The following FBXO11 variants were observed in gnomAD, a reference collection of about 807,000 sequenced individuals.
The protein encoded by FBXO11 is F-box protein 11, also known as F-box only protein 11.
Under a neutral mutation model 117.0 loss-of-function variants are expected in FBXO11, and 13 were observed. The observed-to-expected ratio is 0.11, with a 90% CI of 0.07 to 0.18. FBXO11 has a LOEUF of 0.18. Ranked by LOEUF, FBXO11 falls within the 10% of genes least tolerant of loss-of-function variation. The pLI is 1.00. For synonymous variants in FBXO11, 490 were observed against 380.5 expected (o/e 1.29, Z -3.35); for missense variants, 767 against 1,164.4 (o/e 0.66, Z 4.97).
chr2:47,833,105 A>C, intron 7 of FBXO11, 35 bp from the exon 8 acceptor site: 1 of 1,425,114 alleles, frequency 7.0e-7, no homozygotes, highest in Non-Finnish European at 9.9e-7. Context: ...TATTACCTTT[A>C]TTCGATTTCA....
At chr2:47,836,238 G>A (rs1027160680) in intron 4 of FBXO11, among the ~76,000 whole-genome samples, 2 of 152,076 alleles carry the variant, frequency 1.3e-5, no homozygotes, top group African/African-American at 4.8e-5. Flanking sequence ...CCAGGTTCAA[G>A]CCTCAGCCTC....
In FBXO11 at chr2:47,822,857, A is replaced by G. The variant is rs1046307555; in HGVS notation, c.1616+286T>C. On this transcript the variant is annotated intron_variant, in intron 12 of 22. Coordinates refer to ENST00000403359, the MANE Select transcript of FBXO11 (RefSeq NM_001190274.2). ...GGGGAGGTAACAGTCCTATTTACTC[A>G]TCTATAATGCAGTTTGATGAATTTA... 7.9e-5 allele frequency among the ~76,000 whole-genome samples: 12 copies of G among 152,360 alleles called. No individual in the cohort carries two copies. In the East Asian group the frequency reaches 1.5e-3, roughly 20 times the overall value.
At chr2:47,852,352 G>A (rs1263791837) in intron 1 of FBXO11, among the ~76,000 whole-genome samples, 1 of 152,062 alleles carries the variant, frequency 6.6e-6, no homozygotes, top group Non-Finnish European at 1.5e-5. Context: ...GATGGAGAGG[G>A]GGCTCAGCAT....
intron 1 of FBXO11, among the ~76,000 whole-genome samples, chr2:47,870,412 C>A (rs940907241): frequency 6.6e-6 from 1 of 152,072 alleles, no homozygotes; most frequent in Non-Finnish European, 1.5e-5. Flanking sequence ...GAAATAGGGT[C>A]TTTGAAAATG....
chr2:47,894,274 C>T (rs1012721465), intron 1 of FBXO11, among the ~76,000 whole-genome samples: 2 of 151,866 alleles, frequency 1.3e-5, no homozygotes, highest in African/African-American at 4.9e-5. Flanking sequence ...AAATATGCCC[C>T]CATTTTTCTG....
intron 1 of FBXO11, among the ~76,000 whole-genome samples, chr2:47,866,635 A>C (rs896062034): frequency 6.6e-6 from 1 of 151,814 alleles, no homozygotes; most frequent in African/African-American, 2.4e-5. Context: ...CACCATGACC[A>C]GCTAATGTTT....
chr2:47,898,563 T>C (rs571944174), intron 1 of FBXO11, among the ~76,000 whole-genome samples: 3 of 152,224 alleles, frequency 2.0e-5, no homozygotes, highest in Admixed American at 6.5e-5. Context: ...CTTTGTATAA[T>C]GAGTGCTTAA....
intron 1 of FBXO11, among the ~76,000 whole-genome samples, chr2:47,892,005 T>G (rs530399867): frequency 6.6e-6 from 1 of 152,230 alleles, no homozygotes; most frequent in Non-Finnish European, 1.5e-5. Context: ...TCCTTAAATA[T>G]TTTGGAGATT....
chr2:47,888,121 C>A (rs903800628), intron 1 of FBXO11, among the ~76,000 whole-genome samples: 10 of 152,178 alleles, frequency 6.6e-5, no homozygotes, highest in African/African-American at 2.4e-4. Flanking sequence ...ACACCGCTCA[C>A]TTCGCACTTA....
chr2:47,895,368 C>T (rs1487199347), intron 1 of FBXO11, among the ~76,000 whole-genome samples: 1 of 152,118 alleles, frequency 6.6e-6, no homozygotes, highest in African/African-American at 2.4e-5. Flanking sequence ...GGATGAAGCT[C>T]ACAACAAATA....
intron 1 of FBXO11, among the ~76,000 whole-genome samples, chr2:47,898,946 A>G (rs988403751): frequency 5.9e-5 from 9 of 151,988 alleles, no homozygotes; most frequent in African/African-American, 2.2e-4. Context: ...TTCTTCATTT[A>G]TTAAAAAAAA....
At chr2:47,885,136 G>T (rs1379963842) in intron 1 of FBXO11, among the ~76,000 whole-genome samples, 2 of 152,112 alleles carry the variant, frequency 1.3e-5, no homozygotes, top group Non-Finnish European at 2.9e-5. Context: ...AACTGTAAAT[G>T]ACAGCAAACA....
At chr2:47,880,891 T>C (rs1676380416) in intron 1 of FBXO11, among the ~76,000 whole-genome samples, 1 of 152,222 alleles carries the variant, frequency 6.6e-6, no homozygotes, top group South Asian at 2.1e-4. Context: ...GAGTGGGTTT[T>C]GCCTTGAATC....
Position 47,807,980 on chromosome 2 carries a change from T to C in FBXO11, c.*138A>G. 3 of 752,902 alleles carry C rather than the reference T, an allele frequency of 4.0e-6. No homozygotes were observed. Among genetic ancestry groups the C allele is most frequent in the Non-Finnish European group, 6.5e-6 (3 of 464,136 alleles). The allele number at this position is 752,902 out of a possible 1,614,324, so 46.6% of individuals were successfully genotyped here. On this transcript the variant is annotated 3_prime_UTR_variant, in exon 23 of 23. Coordinates refer to ENST00000403359, the MANE Select transcript of FBXO11 (RefSeq NM_001190274.2). ...TTTCTTTTTGGTAGCTTGAGCTTCA[T>C]AGTGTCAACTGACCTTGTGTATCCA...
intron 1 of FBXO11, among the ~76,000 whole-genome samples, chr2:47,892,348 A>G (rs1677316852): frequency 6.6e-6 from 1 of 152,236 alleles, no homozygotes; most frequent in Non-Finnish European, 1.5e-5. Flanking sequence ...CCGAAAGGGT[A>G]TATTTTCTGT....
chr2:47,860,345 A>G (rs1398271791), intron 1 of FBXO11, among the ~76,000 whole-genome samples: 3 of 152,168 alleles, frequency 2.0e-5, no homozygotes, highest in African/African-American at 7.2e-5. Context: ...GCTAGCTAAT[A>G]AATTTAAACA....
chr2:47,834,825 C>T lies in FBXO11; in HGVS notation c.764G>A (p.Ser255Asn). 1.2e-6 allele frequency: 2 copies of T among 1,613,530 alleles called. No individual in the cohort carries two copies. Among genetic ancestry groups the T allele is most frequent in the Admixed American group, 1.7e-5 (1 of 59,902 alleles). The change falls in exon 6 of 23, where the codon AGT becomes AAT. Residue 255 changes from serine to asparagine, a missense_variant. By Grantham distance (46) the Ser-to-Asn change is conservative (BLOSUM62 1). Coordinates refer to ENST00000403359, the MANE Select transcript of FBXO11 (RefSeq NM_001190274.2). ...VKPGFAEHFY[S>N]NPARYKGREN... is the part of the protein sequence containing the mutation. ...TCTTCCTTTATATCTTGCAGGGTTA[C>T]TGTAGAAATGTTCAGCAAATCCTGG... is the stretch of plus-strand genomic sequence containing the variant.
At chr2:47,884,208 G>C (rs1235510206) in intron 1 of FBXO11, among the ~76,000 whole-genome samples, 2 of 152,164 alleles carry the variant, frequency 1.3e-5, no homozygotes, top group African/African-American at 4.8e-5. Flanking sequence ...GACAGAGCAA[G>C]ACTCCGTCTC....
intron 7 of FBXO11, 106 bp downstream of exon 7, chr2:47,834,473 C>G (rs1672413066): frequency 2.6e-6 from 2 of 774,002 alleles, no homozygotes; most frequent in South Asian, 4.9e-5. Context: ...CCTACTTTAC[C>G]AGCAGGATAT....
Sources: allele counts gnomAD v4.1 joint callset (sites outside exome capture counted in the v4.1 genomes callset), GRCh38; gene constraint gnomAD v4.1.1; transcripts MANE v1.5; gene names NCBI Gene and HGNC (gene_info 2026-07-23, HGNC 2026-07-21).